The following SORCS3 variants were observed in gnomAD, a reference collection of about 807,000 sequenced individuals.
SORCS3 encodes the protein VPS10 domain-containing receptor SorCS3.
Under a neutral mutation model 146.3 loss-of-function variants are expected in SORCS3, and 57 were observed. The ratio of observed to expected loss-of-function variants is 0.39; its 90% CI spans 0.31 to 0.49. The LOEUF is 0.49. SORCS3 is among the 20% of genes least tolerant of loss of function. The pLI is 0.92. For missense variants in SORCS3, 1,341 were observed against 1,575.5 expected (o/e 0.85, Z 2.52); for synonymous variants, 653 against 618.5 (o/e 1.06, Z -0.83).
At chr10:104,747,870 A>G (rs1223767618) in intron 1 of SORCS3, among the ~76,000 whole-genome samples, 1 of 152,238 alleles carries the variant, frequency 6.6e-6, no homozygotes. Context: ...CTTGAACAGC[A>G]CTGGGTTTAA....
chr10:105,080,543 A>G (rs1369057098), intron 5 of SORCS3, among the ~76,000 whole-genome samples: 1 of 152,068 alleles, frequency 6.6e-6, no homozygotes, highest in East Asian at 1.9e-4. Context: ...CTTTAGTTTA[A>G]TTAGATTCCA....
At chr10:105,078,204 C>G (rs533836673) in intron 5 of SORCS3, among the ~76,000 whole-genome samples, 25 of 152,280 alleles carry the variant, frequency 1.6e-4, no homozygotes, top group African/African-American at 6.0e-4. Flanking sequence ...TTATGGGACT[C>G]TTTTCAACAT....
At chr10:104,739,452 C>T (rs938380868) in intron 1 of SORCS3, among the ~76,000 whole-genome samples, 1 of 152,164 alleles carries the variant, frequency 6.6e-6, no homozygotes, top group South Asian at 2.1e-4. Flanking sequence ...TTGCCCAGTG[C>T]CAGGTTCTCC....
chr10:105,233,917 A>G (rs929178225), intron 20 of SORCS3, among the ~76,000 whole-genome samples: 1 of 152,200 alleles, frequency 6.6e-6, no homozygotes, highest in Admixed American at 6.5e-5. Flanking sequence ...TCCTTTGGGT[A>G]TATACCCAGT....
chr10:105,149,492 A>AT (rs1038218913), intron 9 of SORCS3, among the ~76,000 whole-genome samples: 2 of 152,154 alleles, frequency 1.3e-5, no homozygotes, highest in African/African-American at 4.8e-5. Context: ...GGAAGCTTAC[A>AT]TTTCTATGCC....
intron 2 of SORCS3, among the ~76,000 whole-genome samples, chr10:104,874,296 C>T (rs2018548249): frequency 6.6e-6 from 1 of 152,148 alleles, no homozygotes; most frequent in South Asian, 2.1e-4. Flanking sequence ...AAGACATGTC[C>T]ATTCCTCTGG....
At chr10:104,725,932 G>A (rs562162340) in intron 1 of SORCS3, among the ~76,000 whole-genome samples, 5 of 152,350 alleles carry the variant, frequency 3.3e-5, no homozygotes, top group Admixed American at 6.5e-5. Context: ...CCCGGGTGAG[G>A]CGATGCCTCG....
At chr10:105,045,468 C>T (rs999610839) in intron 5 of SORCS3, among the ~76,000 whole-genome samples, 16 of 151,838 alleles carry the variant, frequency 1.1e-4, no homozygotes, top group African/African-American at 3.6e-4. Context: ...ATATAATTAC[C>T]GCGATTATTC....
At position 104,977,730 on chromosome 10, in the gene SORCS3, C is replaced by CTTTTTT. The variant is rs796233007; in HGVS notation, c.954+252_954+257dup. On this transcript the variant is annotated intron_variant, in intron 4 of 26. Coordinates refer to ENST00000369701, the MANE Select transcript of SORCS3 (RefSeq NM_014978.3). Reference sequence around the variant, plus strand: ...CAATGCTATTATTTCCTTTTCTTTTCTTTTTTTTTTTTTTTTTTTTGACAC... The same window carrying CTTTTTT: ...CAATGCTATTATTTCCTTTTCTTTTCTTTTTTTTTTTTTTTTTTTTTTTTTTGACAC... Among the ~76,000 whole-genome samples the CTTTTTT allele has an allele frequency of 1.7e-3, 214 of 122,844 alleles. 1 individual carries two copies. The highest frequency in any genetic ancestry group is 2.0e-3 in the Non-Finnish European group (120 of 58,620). 80.6% of individuals were successfully genotyped at this position (122,844 alleles called of 152,430 possible).
intron 16 of SORCS3, among the ~76,000 whole-genome samples, chr10:105,204,112 G>T (rs1325003702): frequency 6.6e-6 from 1 of 152,102 alleles, no homozygotes; most frequent in Non-Finnish European, 1.5e-5. Flanking sequence ...GCCTTCTGTG[G>T]TTCTCATACT....
intron 7 of SORCS3, among the ~76,000 whole-genome samples, chr10:105,115,026 G>GA (rs1564758320): frequency 6.6e-6 from 1 of 152,122 alleles, no homozygotes; most frequent in Non-Finnish European, 1.5e-5. Flanking sequence ...CCAATTAACA[G>GA]ATACTTGTTG....
chr10:105,137,166 A>C (rs2133776587), intron 7 of SORCS3, among the ~76,000 whole-genome samples: 1 of 152,204 alleles, frequency 6.6e-6, no homozygotes, highest in African/African-American at 2.4e-5. Flanking sequence ...TCCAAGGAGA[A>C]GCCCCTTTTA....
intron 22 of SORCS3, among the ~76,000 whole-genome samples, chr10:105,252,368 C>T (rs1284433948): frequency 6.6e-6 from 1 of 152,188 alleles, no homozygotes; most frequent in African/African-American, 2.4e-5. Context: ...GCTCGGCTTT[C>T]TTTAAATTTG....
intron 5 of SORCS3, among the ~76,000 whole-genome samples, chr10:105,071,063 A>G (rs888958995): frequency 6.6e-6 from 1 of 152,078 alleles, no homozygotes; most frequent in African/African-American, 2.4e-5. Flanking sequence ...CTGTGTTTCC[A>G]TTTGGAGAGT....
intron 1 of SORCS3, among the ~76,000 whole-genome samples, chr10:104,797,591 AT>A (rs2017572209): frequency 6.6e-6 from 1 of 152,138 alleles, no homozygotes; most frequent in Non-Finnish European, 1.5e-5. Context: ...TGCCTCACAC[AT>A]TTATTTCATC....
At chr10:104,874,487 C>T (rs2018550896) in intron 2 of SORCS3, among the ~76,000 whole-genome samples, 1 of 152,080 alleles carries the variant, frequency 6.6e-6, no homozygotes, top group Non-Finnish European at 1.5e-5. Flanking sequence ...ACTACTTACA[C>T]TTTCTGATGT....
chr10:104,895,749 T>C (rs575456864), intron 2 of SORCS3, among the ~76,000 whole-genome samples: 3 of 152,308 alleles, frequency 2.0e-5, no homozygotes, highest in African/African-American at 7.2e-5. Flanking sequence ...CACGCTTACA[T>C]GTATGATGGG....
At chr10:104,914,682 T>C (rs1213442556) in intron 2 of SORCS3, among the ~76,000 whole-genome samples, 4 of 152,192 alleles carry the variant, frequency 2.6e-5, no homozygotes, top group Admixed American at 2.6e-4. Context: ...ACTAAGCTTC[T>C]GAAGCTGAGC....
chr10:105,217,783 G>A (rs187313991), intron 19 of SORCS3: 86 of 453,868 alleles, frequency 1.9e-4, no homozygotes, highest in African/African-American at 1.4e-3. Context: ...GATGCATTTT[G>A]TGTATTTTCT....
Sources: allele counts gnomAD v4.1 joint callset (sites outside exome capture counted in the v4.1 genomes callset), GRCh38; gene constraint gnomAD v4.1.1; transcripts MANE v1.5; gene names NCBI Gene and HGNC (gene_info 2026-07-23, HGNC 2026-07-21).